GAB2: variants seen among roughly 807,000 people sequenced by gnomAD.
The protein encoded by GAB2 is GRB2-associated-binding protein 2.
GAB2 carries 26 observed loss-of-function variants against 65.5 expected under a neutral mutation model. That is an observed-to-expected ratio of 0.40 (90% CI 0.29 to 0.55). GAB2 has a LOEUF of 0.55. Among genes scored for constraint, GAB2 ranks in the 20% least tolerant of loss-of-function variants. The pLI, the probability that GAB2 is intolerant of heterozygous loss-of-function variation, is 0.53. For synonymous variants in GAB2, 321 were observed against 329.6 expected (o/e 0.97, Z 0.28); for missense variants, 884 against 875.8 (o/e 1.01, Z -0.12).
At chr11:78,260,768 A>C (rs1459689807) in intron 2 of GAB2, among the ~76,000 whole-genome samples, 1 of 152,226 alleles carries the variant, frequency 6.6e-6, no homozygotes, top group African/African-American at 2.4e-5. Flanking sequence ...CACCGCGCCC[A>C]GTCTATGCCT....
At chr11:78,410,638 T>A (rs1279015595) in intron 1 of GAB2, among the ~76,000 whole-genome samples, 2 of 152,212 alleles carry the variant, frequency 1.3e-5, no homozygotes, top group South Asian at 4.1e-4. Context: ...TCCACTCACA[T>A]GTATGTAACA....
chr11:78,284,530 C>G (rs1018098168), intron 1 of GAB2, among the ~76,000 whole-genome samples: 11 of 152,242 alleles, frequency 7.2e-5, no homozygotes, highest in Admixed American at 7.2e-4. Flanking sequence ...TGGCCTTACA[C>G]AGTGCCAGGC....
At chr11:78,262,991 T>C (rs987890322) in intron 2 of GAB2, among the ~76,000 whole-genome samples, 2 of 152,214 alleles carry the variant, frequency 1.3e-5, no homozygotes, top group African/African-American at 4.8e-5. Context: ...GCTGAGTAGT[T>C]GCTACAAAGT....
intron 2 of GAB2, among the ~76,000 whole-genome samples, chr11:78,273,202 G>A (rs1866066505): frequency 6.6e-6 from 1 of 152,210 alleles, no homozygotes; most frequent in Admixed American, 6.5e-5. Context: ...TGTGAGAGAA[G>A]GGCCACCATC....
intron 1 of GAB2, among the ~76,000 whole-genome samples, chr11:78,320,035 T>C (rs1855692729): frequency 6.6e-6 from 1 of 152,048 alleles, no homozygotes; most frequent in African/African-American, 2.4e-5. Context: ...ACCACCACAC[T>C]GGCTAACTTT....
chr11:78,366,381 G>C (rs1453100244), intron 1 of GAB2, among the ~76,000 whole-genome samples: 2 of 151,794 alleles, frequency 1.3e-5, no homozygotes, highest in Non-Finnish European at 2.9e-5. Context: ...GGAGTTCAAG[G>C]CCAGCCTGGC....
In GAB2 at chr11:78,346,719, A is replaced by T. The variant is rs1456753309; in HGVS notation, c.76-65818T>A. Among the ~76,000 whole-genome samples the T allele has an allele frequency of 2.9e-3, 107 of 36,594 alleles. 3 individuals carry two copies. The highest frequency in any genetic ancestry group is 0.01 in the East Asian group (12 of 1,200). 24.0% of individuals were successfully genotyped at this position (36,594 alleles called of 152,430 possible). On this transcript the variant is annotated intron_variant, in intron 1 of 9. Transcript: ENST00000361507. ...TATATATATATATATATATATATAT[A>T]TAATTTTTTTTTTTTTTAGGAAAAG...
chr11:78,280,812 C>G lies in GAB2; in HGVS notation c.165G>C (p.Lys55Asn). Residue 55 changes from lysine to asparagine, a missense_variant, in exon 2 of 10, where the codon AAG becomes AAC. Transcript: ENST00000361507. ...VLEYYKNDHS[K>N]KPLRIINLNF... ...TCAGGTTGATGATCCGCAGAGGCTT[C>G]TTGGAGTGATCGTTCTTGTAGTATT... 1 of 1,614,134 alleles carries G rather than the reference C, an allele frequency of 6.2e-7. No homozygotes were observed. Among genetic ancestry groups the G allele is most frequent in the East Asian group, 2.2e-5 (1 of 44,888 alleles).
chr11:78,342,756 T>G lies in GAB2; in HGVS notation c.76-61855A>C, dbSNP rs550109599. On this transcript the variant is annotated intron_variant, in intron 1 of 9. Coordinates refer to ENST00000361507, the MANE Select transcript of GAB2 (RefSeq NM_080491.3). The stretch of plus-strand genomic sequence containing the variant: ...AAAAGACTTGTGTGGTAGCTTCTTT[T>G]TTTTGTAAATTGGTTTTGAGGCCCA... Among the ~76,000 whole-genome samples, 36 of 152,324 alleles carry G rather than the reference T, an allele frequency of 2.4e-4. 1 individual carries two copies. The South Asian group carries it at 6.0e-3, about 25-fold the overall frequency.
At chr11:78,280,535 A>G (rs1866305430) in intron 2 of GAB2, 66 bp downstream of exon 2, 1 of 1,277,832 alleles carries the variant, frequency 7.8e-7, no homozygotes, top group East Asian at 2.3e-5. Flanking sequence ...CCTGCTCTCA[A>G]TGCTCCAGGA....
chr11:78,417,614 G>T, intron 1 of GAB2, 32 bp downstream of exon 1: 7 of 1,158,072 alleles, frequency 6.0e-6, no homozygotes, highest in Non-Finnish European at 6.7e-6. Context: ...AGCGCCCCCC[G>T]CCCGCCCCTG....
chr11:78,301,858 A>T (rs1439210332), intron 1 of GAB2, among the ~76,000 whole-genome samples: 1 of 152,200 alleles, frequency 6.6e-6, no homozygotes, highest in Non-Finnish European at 1.5e-5. Flanking sequence ...AGACCAATGG[A>T]ACACAATAGA....
intron 1 of GAB2, among the ~76,000 whole-genome samples, chr11:78,358,888 G>A (rs533572217): frequency 1.8e-4 from 27 of 152,086 alleles, no homozygotes; most frequent in Non-Finnish European, 7.4e-5. Flanking sequence ...ATTAGCAAAC[G>A]AGAGTATAAA....
At chr11:78,355,604 G>A (rs1269209241) in intron 1 of GAB2, among the ~76,000 whole-genome samples, 1 of 147,006 alleles carries the variant, frequency 6.8e-6, no homozygotes, top group African/African-American at 2.5e-5. Flanking sequence ...TTGAGCCCAG[G>A]AGTCCGAGGC....
chr11:78,402,076 C>A (rs1449210002), intron 1 of GAB2, among the ~76,000 whole-genome samples: 1 of 151,874 alleles, frequency 6.6e-6, no homozygotes, highest in African/African-American at 2.4e-5. Flanking sequence ...CCTGTTCTTA[C>A]CAGCCCAGGT....
chr11:78,416,213 C>T (rs1857193710), intron 1 of GAB2, among the ~76,000 whole-genome samples: 2 of 152,156 alleles, frequency 1.3e-5, no homozygotes, highest in African/African-American at 4.8e-5. Context: ...CTGAGATGAA[C>T]AATTCACTGC....
At chr11:78,409,453 G>A (rs1046803865) in intron 1 of GAB2, among the ~76,000 whole-genome samples, 23 of 152,150 alleles carry the variant, frequency 1.5e-4, no homozygotes, top group East Asian at 1.2e-3. Flanking sequence ...GTGTGGTGGC[G>A]CATGCCTGTA....
chr11:78,228,634 C>T (rs1008424585), intron 3 of GAB2, among the ~76,000 whole-genome samples: 2 of 152,162 alleles, frequency 1.3e-5, no homozygotes, highest in Non-Finnish European at 2.9e-5. Context: ...GCCAGGCTTC[C>T]TCTCATGTAA....
chr11:78,284,244 C>T (rs1376982240), intron 1 of GAB2, among the ~76,000 whole-genome samples: 1 of 152,242 alleles, frequency 6.6e-6, no homozygotes, highest in African/African-American at 2.4e-5. Context: ...CTTCTCCTCA[C>T]CTCCACTGTT....
Sources: allele counts gnomAD v4.1 joint callset (sites outside exome capture counted in the v4.1 genomes callset), GRCh38; gene constraint gnomAD v4.1.1; transcripts MANE v1.5; gene names NCBI Gene and HGNC (gene_info 2026-07-23, HGNC 2026-07-21).